SPATA31A6: variants seen among roughly 807,000 people sequenced by gnomAD.
The protein encoded by SPATA31A6 is spermatogenesis-associated protein 31A6.
In SPATA31A6, 9 loss-of-function variants were observed where a neutral mutation model predicts 11.9. That is an observed-to-expected ratio of 0.76 (90% confidence interval 0.46 to 1.32). SPATA31A6 has a LOEUF of 1.32. Ranked by LOEUF, SPATA31A6 falls within the 40% of genes most tolerant of loss-of-function variation. The pLI is 0.00. For synonymous variants in SPATA31A6, 314 were observed against 572.1 expected, an observed-to-expected ratio of 0.55 and a Z score of 6.44; for missense variants, 855 against 1,467.3, an observed-to-expected ratio of 0.58 and a Z score of 6.82.
chr9:42,187,032 C>T lies in SPATA31A6; in HGVS notation c.1330C>T (p.Pro444Ser), dbSNP rs1481200674. ...CAGGTCTTATACTTTACAGTCTCCT[C>T]CTTTCTTGTTCAATGAAATGTCCAA... Reference protein sequence around the residue: ...TDRSYTLQSPPFLFNEMSNVC... With the variant: ...TDRSYTLQSPSFLFNEMSNVC... Residue 444 changes from proline (P) to serine (S), a missense_variant, in exon 4 of 4, where the codon CCT (proline) becomes TCT (serine). Physicochemically the swap from Pro to Ser is moderately conservative, Grantham distance 74. Transcript: ENST00000332857. The T allele has an allele frequency of 4.5e-6, 7 of 1,547,160 alleles. 1 individual carries two copies. The highest frequency in any genetic ancestry group is 3.5e-5 in the Admixed American group (2 of 57,202).
In SPATA31A6 at chr9:42,186,543, T is replaced by A; in HGVS notation, c.841T>A (p.Ser281Thr). The A allele has an allele frequency of 6.6e-7, 1 of 1,520,806 alleles. No homozygotes were observed. The highest frequency in any genetic ancestry group is 8.8e-7 in the Non-Finnish European group (1 of 1,133,930). 94.2% of individuals were successfully genotyped at this position (1,520,806 alleles called of 1,614,324 possible). A position where few individuals can be genotyped will look rare whatever the true frequency, so the allele number is the denominator to read the frequency against. The change falls in exon 4 of 4, where the codon TCC (serine) becomes ACC (threonine). Residue 281 changes from serine (S) to threonine (T), a missense_variant. Transcript: ENST00000332857. ...GGSNSHVSASSRWQETARTSC... is the reference protein window; with the variant it reads ...GGSNSHVSASTRWQETARTSC... ...CTCAAACAGTCATGTTTCTGCCTCC[T>A]CCCGGTGGCAGGAGACTGCCAGAAC... is the stretch of plus-strand genomic sequence containing the variant.
At chr9:42,184,632 C>A (rs1456146013) in intron 1 of SPATA31A6, among the ~76,000 whole-genome samples, 3 of 135,806 alleles carry the variant, frequency 2.2e-5, no homozygotes, top group Non-Finnish European at 4.7e-5. Flanking sequence ...CGAGTTCAAG[C>A]GATTCTCCTG....
At position 42,184,261 on chromosome 9, in the gene SPATA31A6, G is replaced by A. The variant is rs1461191805; in HGVS notation, c.189+385G>A. Reference sequence around the variant, plus strand: ...AGCCTCCCCTGTGTGGGGTGATCTGGGGCCTGTGCTGGGCCCCCGAGGGCC... The same window carrying A: ...AGCCTCCCCTGTGTGGGGTGATCTGAGGCCTGTGCTGGGCCCCCGAGGGCC... On this transcript the variant is annotated intron_variant, in intron 1 of 3. Transcript: ENST00000332857. Among the ~76,000 whole-genome samples the A allele has an allele frequency of 5.2e-5, 7 of 133,536 alleles. 1 individual carries two copies. Among genetic ancestry groups the A allele is most frequent in the Admixed American group, 1.5e-4 (2 of 13,496 alleles). 87.6% of individuals were successfully genotyped at this position (133,536 alleles called of 152,430 possible).
Position 42,183,994 on chromosome 9 carries a change from C to A in SPATA31A6, c.189+118C>A. 4.1e-6 allele frequency: 6 copies of A among 1,453,688 alleles called. 1 individual carries two copies. Among genetic ancestry groups the A allele is most frequent in the South Asian group, 1.2e-5 (1 of 81,188 alleles). The allele number at this position is 1,453,688 out of a possible 1,614,324, so 90.0% of individuals were successfully genotyped here. On this transcript the variant is annotated intron_variant, in intron 1 of 3. Transcript: ENST00000332857. ...TATGATGGGAAGTCTCAGAAGAGAC[C>A]AGAACATCATCCTTCCAGGGAGAGG...
Position 42,183,964 on chromosome 9 carries a change from C to A in SPATA31A6, c.189+88C>A, listed in dbSNP as rs1465095263. On this transcript the variant is annotated intron_variant, in intron 1 of 3. Coordinates refer to ENST00000332857, the MANE Select transcript of SPATA31A6 (RefSeq NM_001145196.1). The stretch of plus-strand genomic sequence containing the variant: ...CCACTTTTCCAAATCCAGTGGAGAG[C>A]CTTCTATGATGGGAAGTCTCAGAAG... The A allele has an allele frequency of 4.1e-5, 61 of 1,503,184 alleles. 8 individuals carry two copies. The highest frequency in any genetic ancestry group is 7.3e-5 in the East Asian group (3 of 41,044). 93.1% of individuals were successfully genotyped at this position (1,503,184 alleles called of 1,614,324 possible).
Position 42,189,241 on chromosome 9 carries a change from C to A in SPATA31A6, c.3539C>A (p.Pro1180Gln), listed in dbSNP as rs1193703602. 6.4e-7 allele frequency: 1 copy of A among 1,550,644 alleles called. No homozygotes were observed. The highest frequency in any genetic ancestry group is 1.8e-5 in the Admixed American group (1 of 57,048). ...TCAAAGAAAAAAAGCAAGCCAGCAC[C>A]AGTCACTGCTGAGAGCCAAAAAACA... ...IFSKKKSKPA[P>Q]VTAESQKTVK... is the part of the protein sequence containing the mutation. Residue 1180 changes from proline (P) to glutamine (Q), a missense_variant, in exon 4 of 4, where the codon CCA becomes CAA. Transcript: ENST00000332857.
At chr9:42,185,156 A>G (rs1268728327) in intron 2 of SPATA31A6, 30 bp downstream of exon 2, 1 of 1,541,828 alleles carries the variant, frequency 6.5e-7, no homozygotes, top group African/African-American at 1.6e-5. Context: ...CACTAGAGTT[A>G]ATTTGATCTC....
rs1371739493 is a variant in SPATA31A6 at position 42,185,014 on chromosome 9, T to C, written c.190-55T>C. Reference sequence around the variant, plus strand: ...GCTTCTCGCCCTTTCTTGTCTCCCATTGTCATCTTGTCTCTCCGCGTCATC... The same window carrying C: ...GCTTCTCGCCCTTTCTTGTCTCCCACTGTCATCTTGTCTCTCCGCGTCATC... On this transcript the variant is annotated intron_variant, in intron 1 of 3. Transcript: ENST00000332857. 3 of 1,525,002 alleles carry C rather than the reference T, an allele frequency of 2.0e-6. 1 individual carries two copies. In the African/African-American group the frequency reaches 4.8e-5, roughly 24 times the overall value. 94.5% of individuals were successfully genotyped at this position (1,525,002 alleles called of 1,614,324 possible). A position where few individuals can be genotyped will look rare whatever the true frequency, so the allele number is the denominator to read the frequency against.
At position 42,188,992 on chromosome 9, in the gene SPATA31A6, G is replaced by A. The variant is rs766852910; in HGVS notation, c.3290G>A (p.Arg1097Lys). The A allele has an allele frequency of 3.3e-5, 51 of 1,548,654 alleles. 8 individuals are homozygous for A. The highest frequency in any genetic ancestry group is 6.1e-5 in the African/African-American group (4 of 65,490). Residue 1097 changes from arginine (R) to lysine (K), a missense_variant, in exon 4 of 4, where the codon AGG becomes AAG. Arg to Lys is a conservative substitution (Grantham distance 26). Transcript: ENST00000332857. Reference protein sequence around the residue: ...PNCQGSCKSQRPMFPPIHKSE... With the variant: ...PNCQGSCKSQKPMFPPIHKSE... ...TGTCAAGGCTCATGCAAGAGCCAAAGGCCAATGTTTCCCCCTATTCACAAG... is the reference window on the plus strand; with the variant it reads ...TGTCAAGGCTCATGCAAGAGCCAAAAGCCAATGTTTCCCCCTATTCACAAG...
chr9:42,186,815 T>G lies in SPATA31A6; in HGVS notation c.1113T>G (p.Asp371Glu). 1 of 1,534,882 alleles carries G rather than the reference T, an allele frequency of 6.5e-7. No homozygotes were observed. Among genetic ancestry groups the G allele is most frequent in the South Asian group, 1.1e-5 (1 of 87,458 alleles). The change falls in exon 4 of 4, where the codon GAT (aspartate) becomes GAG (glutamate). Residue 371 changes from aspartate to glutamate, a missense_variant. Transcript: ENST00000332857. ...NSLGNLAKSL[D>E]AEQDTTNPKP... is the part of the protein sequence containing the mutation. ...TGGGGAATTTGGCTAAATCATTGGA[T>G]GCTGAGCAGGACACCACAAACCCAA...
rs1174574585 is a variant in SPATA31A6 at position 42,187,670 on chromosome 9, G to A, written c.1968G>A (p.Lys656=). 6.6e-7 allele frequency: 1 copy of A among 1,517,830 alleles called. No homozygotes were observed. The highest frequency in any genetic ancestry group is 8.9e-7 in the Non-Finnish European group (1 of 1,128,196). The allele number at this position is 1,517,830 out of a possible 1,614,324, so 94.0% of individuals were successfully genotyped here. ...GESSKEAQKV[K]FQLERDLCPH... ...GCAGCAAGGAGGCACAGAAGGTGAA[G>A]TTCCAGCTAGAGAGGGACCTGTGCC... Residue 656 remains lysine (K), a synonymous_variant, in exon 4 of 4, where the codon AAG becomes AAA. Transcript: ENST00000332857.
rs2118847269 is a variant in SPATA31A6 at position 42,184,710 on chromosome 9, T to G, written c.190-359T>G. 1.5e-5 allele frequency among the ~76,000 whole-genome samples: 2 copies of G among 135,420 alleles called. 1 individual carries two copies. The highest frequency in any genetic ancestry group is 1.5e-4 in the Admixed American group (2 of 13,650). The allele number at this position is 135,420 out of a possible 152,430, so 88.8% of individuals were successfully genotyped here. ...CATGCCTGCCTAATTTTTGTATTTT[T>G]AGTAGAGACGGGGTTTCACCATGGC... is the stretch of plus-strand genomic sequence containing the variant. On this transcript the variant is annotated intron_variant, in intron 1 of 3. Transcript: ENST00000332857.
In SPATA31A6 at chr9:42,186,708, G is replaced by T. The variant is rs768551058; in HGVS notation, c.1006G>T (p.Ala336Ser). The T allele has an allele frequency of 1.3e-6, 2 of 1,531,104 alleles. 1 individual carries two copies. The highest frequency in any genetic ancestry group is 1.8e-6 in the Non-Finnish European group (2 of 1,139,506). 94.8% of individuals were successfully genotyped at this position (1,531,104 alleles called of 1,614,324 possible). The change falls in exon 4 of 4, where the codon GCC becomes TCC. Residue 336 changes from alanine (A) to serine (S), a missense_variant. Physicochemically the swap from Ala to Ser is moderately conservative, Grantham distance 99. Transcript: ENST00000332857. ...NVVGIQVTETAKVNIWEEKEN... is the reference protein window; with the variant it reads ...NVVGIQVTETSKVNIWEEKEN... ...CGTGGGGATACAAGTCACAGAAACA[G>T]CCAAGGTCAACATTTGGGAAGAAAA... is the stretch of plus-strand genomic sequence containing the variant.
chr9:42,185,179 G>A, intron 2 of SPATA31A6, 53 bp downstream of exon 2: 1 of 1,534,900 alleles, frequency 6.5e-7, no homozygotes, highest in Non-Finnish European at 8.8e-7. Flanking sequence ...CTGTCCCGGA[G>A]GGAACTGACT....
Position 42,187,228 on chromosome 9 carries a change from C to G in SPATA31A6, c.1526C>G (p.Ala509Gly). 3 of 1,543,296 alleles carry G rather than the reference C, an allele frequency of 1.9e-6. 1 individual carries two copies. The highest frequency in any genetic ancestry group is 2.6e-6 in the Non-Finnish European group (3 of 1,138,272). ...LQSSFPVLSP[A>G]FPSLIKNTGV... is the part of the protein sequence containing the mutation. ...TCTTCTTTCCCAGTCCTATCTCCTG[C>G]TTTTCCATCCCTGATTAAGAACACT... is the stretch of plus-strand genomic sequence containing the variant. The change falls in exon 4 of 4, where the codon GCT becomes GGT. Residue 509 changes from alanine to glycine, a missense_variant. Coordinates refer to ENST00000332857, the MANE Select transcript of SPATA31A6 (RefSeq NM_001145196.1).
Position 42,186,990 on chromosome 9 carries a change from A to G in SPATA31A6, c.1288A>G (p.Asn430Asp), listed in dbSNP as rs1372589221. The change falls in exon 4 of 4, where the codon AAC becomes GAC. Residue 430 changes from asparagine to aspartate, a missense_variant. Physicochemically the swap from Asn to Asp is conservative, Grantham distance 23. Transcript: ENST00000332857. The stretch of plus-strand genomic sequence containing the variant: ...TCTGCACAGCGAGTCCCTGGTGGCT[A>G]ACGCCTGGGTAACTGACAGGTCTTA... ...PSLHSESLVANAWVTDRSYTL... is the reference protein window; with the variant it reads ...PSLHSESLVADAWVTDRSYTL... 6.5e-7 allele frequency: 1 copy of G among 1,546,130 alleles called. No individual in the cohort carries two copies. The highest frequency in any genetic ancestry group is 8.8e-7 in the Non-Finnish European group (1 of 1,142,036).
rs1157028752 is a variant in SPATA31A6 at position 42,184,912 on chromosome 9, A to G, written c.190-157A>G. 8.7e-6 allele frequency: 7 copies of G among 804,744 alleles called. 1 individual carries two copies. The highest frequency in any genetic ancestry group is 1.0e-5 in the Non-Finnish European group (7 of 678,280). 49.9% of individuals were successfully genotyped at this position (804,744 alleles called of 1,614,324 possible). A position where few individuals can be genotyped will look rare whatever the true frequency, so the allele number is the denominator to read the frequency against. ...AGGAAGCACACAGAGCTCCCTGAGC[A>G]AGACAGAGAGAGTCATGCGGTTCCT... On this transcript the variant is annotated intron_variant, in intron 1 of 3. Coordinates refer to ENST00000332857, the MANE Select transcript of SPATA31A6 (RefSeq NM_001145196.1).
chr9:42,185,054 C>G lies in SPATA31A6; in HGVS notation c.190-15C>G, dbSNP rs756095629. On this transcript the variant is annotated splice_polypyrimidine_tract_variant and intron_variant, in intron 1 of 3. Coordinates refer to ENST00000332857, the MANE Select transcript of SPATA31A6 (RefSeq NM_001145196.1). ...TCCGCGTCATCTTGTCTCCGTACGT[C>G]ATCATGTCTCCCAGTGTCCAGTAGG... The G allele has an allele frequency of 1.4e-4, 208 of 1,537,098 alleles. 30 individuals are homozygous for G. Among genetic ancestry groups the G allele is most frequent in the Non-Finnish European group, 1.8e-4 (203 of 1,136,242 alleles).
At position 42,183,779 on chromosome 9, in the gene SPATA31A6, C is replaced by A; in HGVS notation, c.92C>A (p.Thr31Asn). The A allele has an allele frequency of 6.5e-7, 1 of 1,535,874 alleles. No individual in the cohort carries two copies. The highest frequency in any genetic ancestry group is 8.8e-7 in the Non-Finnish European group (1 of 1,137,908). The stretch of plus-strand genomic sequence containing the variant: ...CCATGGGTGTTGGATATCTTCCTCA[C>A]CTTGGTGTTTGCCCTGGGGTTCTTC... ...STPWVLDIFL[T>N]LVFALGFFFL... Residue 31 changes from threonine (T) to asparagine (N), a missense_variant, in exon 1 of 4, where the codon ACC becomes AAC. Coordinates refer to ENST00000332857, the MANE Select transcript of SPATA31A6 (RefSeq NM_001145196.1).
Sources: allele counts gnomAD v4.1 joint callset (sites outside exome capture counted in the v4.1 genomes callset), GRCh38; gene constraint gnomAD v4.1.1; transcripts MANE v1.5; gene names NCBI Gene and HGNC (gene_info 2026-07-23, HGNC 2026-07-21).